LHFPL3: variants seen among roughly 807,000 people sequenced by gnomAD.
LHFPL3 encodes LHFPL tetraspan subfamily member 3 protein.
A neutral mutation model predicts 19.3 loss-of-function variants in LHFPL3; 5 were observed. The ratio of observed to expected loss-of-function variants is 0.26; its 90% confidence interval spans 0.14 to 0.54. The LOEUF (loss-of-function observed/expected upper bound fraction) is 0.54, where lower values mean the gene tolerates loss of function less well. Ranked by LOEUF, LHFPL3 falls within the 20% of genes least tolerant of loss-of-function variation. The pLI, the probability that LHFPL3 is intolerant of heterozygous loss-of-function variation, is 0.94. For synonymous variants in LHFPL3, 133 were observed against 126.2 expected, an observed-to-expected ratio of 1.05 and a Z score of -0.36; for missense variants, 249 against 307.4, an observed-to-expected ratio of 0.81 and a Z score of 1.42.
intron 1 of LHFPL3, among the ~76,000 whole-genome samples, chr7:104,721,860 A>G (rs1473632147): frequency 1.3e-5 from 2 of 152,222 alleles, no homozygotes; most frequent in African/African-American, 4.8e-5. Flanking sequence ...TGCCCCATAC[A>G]TGGTAAATGT....
intron 2 of LHFPL3, among the ~76,000 whole-genome samples, chr7:104,743,361 G>T (rs1431428409): frequency 6.6e-6 from 1 of 152,108 alleles, no homozygotes; most frequent in African/African-American, 2.4e-5. Context: ...AGTGGACAGA[G>T]CCCCAGATCA....
intron 1 of LHFPL3, among the ~76,000 whole-genome samples, chr7:104,343,910 T>C (rs948843988): frequency 3.9e-5 from 6 of 152,162 alleles, no homozygotes; most frequent in Non-Finnish European, 8.8e-5. Context: ...CATTCCTGGG[T>C]AGCATATTGT....
intron 2 of LHFPL3, among the ~76,000 whole-genome samples, chr7:104,754,219 T>A (rs1000538840): frequency 6.6e-6 from 1 of 151,932 alleles, no homozygotes; most frequent in Non-Finnish European, 1.5e-5. Flanking sequence ...AAAAACAGAA[T>A]GCTTAATAAA....
chr7:104,676,758 A>G (rs961255745), intron 1 of LHFPL3, among the ~76,000 whole-genome samples: 4 of 152,228 alleles, frequency 2.6e-5, no homozygotes, highest in African/African-American at 9.6e-5. Flanking sequence ...TTCTGAAACA[A>G]TGCTGGTAAG....
At chr7:104,388,705 A>G (rs767673850) in intron 1 of LHFPL3, among the ~76,000 whole-genome samples, 1 of 152,174 alleles carries the variant, frequency 6.6e-6, no homozygotes, top group African/African-American at 2.4e-5. Flanking sequence ...AGTGGCACTT[A>G]TCCCAGATAT....
intron 2 of LHFPL3, among the ~76,000 whole-genome samples, chr7:104,779,738 G>A (rs1283054785): frequency 6.6e-6 from 1 of 152,168 alleles, no homozygotes; most frequent in Admixed American, 6.5e-5. Flanking sequence ...ATATGCGCTG[G>A]CCACTGCCAA....
chr7:104,845,829 T>C (rs1791302999), intron 2 of LHFPL3, among the ~76,000 whole-genome samples: 1 of 152,234 alleles, frequency 6.6e-6, no homozygotes, highest in Non-Finnish European at 1.5e-5. Flanking sequence ...ACCTTGTCCT[T>C]TGCTATGCAG....
intron 2 of LHFPL3, among the ~76,000 whole-genome samples, chr7:104,901,552 A>AGATTTTTT (rs1274095840): frequency 3.2e-5 from 3 of 93,960 alleles, no homozygotes; most frequent in African/African-American, 1.4e-4. Context: ...CTAGGGGGCA[A>AGATTTTTT]GCTTTTTTGT....
intron 2 of LHFPL3, among the ~76,000 whole-genome samples, chr7:104,885,895 C>G (rs1409053815): frequency 6.6e-6 from 1 of 152,158 alleles, no homozygotes; most frequent in Non-Finnish European, 1.5e-5. Context: ...TCTCCTATCA[C>G]CAGCTGCCCT....
rs1791278890 is a variant in LHFPL3, at chr7:104,399,968, G to A, written c.445+70744G>A. Among the ~76,000 whole-genome samples the A allele has an allele frequency of 6.6e-6, 1 of 151,170 alleles. No homozygotes were observed. Among genetic ancestry groups the A allele is most frequent in the South Asian group, 2.1e-4 (1 of 4,764 alleles). ...AAAATACAAAAATTAGCTGGGCATG[G>A]TGGCAGATGCCTGTAATCCCAGCTA... On this transcript the variant is annotated intron_variant, in intron 1 of 2. Coordinates refer to ENST00000424859, the MANE Select transcript of LHFPL3 (RefSeq NM_199000.3). The surrounding 1 kb of genome is among the most constrained non-coding windows in gnomAD (Gnocchi z 4.4).
chr7:104,633,051 G>A (rs764898680), intron 1 of LHFPL3, among the ~76,000 whole-genome samples: 1 of 152,144 alleles, frequency 6.6e-6, no homozygotes, highest in South Asian at 2.1e-4. Flanking sequence ...AAAAATTTAA[G>A]TACAAAGGGT....
At chr7:104,343,310 C>G (rs1398339752) in intron 1 of LHFPL3, among the ~76,000 whole-genome samples, 2 of 151,602 alleles carry the variant, frequency 1.3e-5, no homozygotes, top group Non-Finnish European at 2.9e-5. Flanking sequence ...GTCAGGGGTT[C>G]AAGACCAGCC....
At chr7:104,369,737 G>A (rs995004178) in intron 1 of LHFPL3, among the ~76,000 whole-genome samples, 8 of 152,096 alleles carry the variant, frequency 5.3e-5, no homozygotes, top group Non-Finnish European at 1.0e-4. Context: ...GGTTTGCAGT[G>A]GTATCCCATT....
intron 1 of LHFPL3, among the ~76,000 whole-genome samples, chr7:104,492,243 T>C (rs1320468725): frequency 6.6e-6 from 1 of 150,600 alleles, no homozygotes; most frequent in Non-Finnish European, 1.5e-5. Context: ...TAAATGATTT[T>C]TCCCCTTATT....
chr7:104,750,426 G>T (rs1207411671), intron 2 of LHFPL3, among the ~76,000 whole-genome samples: 1 of 152,154 alleles, frequency 6.6e-6, no homozygotes, highest in Non-Finnish European at 1.5e-5. Flanking sequence ...TGTATGGCAG[G>T]AGTAATAATT....
chr7:104,403,598 A>G (rs376475340), intron 1 of LHFPL3, among the ~76,000 whole-genome samples: 1 of 152,200 alleles, frequency 6.6e-6, no homozygotes, highest in East Asian at 1.9e-4. Context: ...ATCTCTTTAT[A>G]CTGTTTAAAA....
chr7:104,567,589 C>T (rs1030520182), intron 1 of LHFPL3, among the ~76,000 whole-genome samples: 6 of 152,166 alleles, frequency 3.9e-5, no homozygotes, highest in Admixed American at 2.6e-4. Flanking sequence ...TATCCATTCC[C>T]TTTTTGGTGA....
chr7:104,505,714 T>C (rs968466509), intron 1 of LHFPL3, among the ~76,000 whole-genome samples: 13 of 152,212 alleles, frequency 8.5e-5, no homozygotes, highest in Admixed American at 3.3e-4. Context: ...AAGAATCCAA[T>C]TGAGTATTCA....
Position 104,666,512 on chromosome 7 carries a change from C to CTTTTTTTTTTTTTTTTTT in LHFPL3, c.446-70153_446-70136dup, listed in dbSNP as rs71155514. 9.2e-4 allele frequency among the ~76,000 whole-genome samples: 39 copies of CTTTTTTTTTTTTTTTTTT among 42,236 alleles called. 12 individuals are homozygous for CTTTTTTTTTTTTTTTTTT. The highest frequency in any genetic ancestry group is 1.3e-3 in the Non-Finnish European group (28 of 22,202). The allele number at this position is 42,236 out of a possible 152,430, so 27.7% of individuals were successfully genotyped here. A position where few individuals can be genotyped will look rare whatever the true frequency, so the allele number is the denominator to read the frequency against. On this transcript the variant is annotated intron_variant, in intron 1 of 2. Transcript: ENST00000424859. ...TTGCTGAAAATGACAGGATTTCATT[C>CTTTTTTTTTTTTTTTTTT]TTTTTTTTTTTTTTTTTTTTTTTTT...
Sources: allele counts gnomAD v4.1 joint callset (sites outside exome capture counted in the v4.1 genomes callset), GRCh38; gene constraint gnomAD v4.1.1; non-coding constraint Gnocchi (gnomAD v3.1); transcripts MANE v1.5; gene names NCBI Gene and HGNC (gene_info 2026-07-23, HGNC 2026-07-21).